The following ADORA1 variants were observed in gnomAD, a reference collection of about 807,000 sequenced individuals.
ADORA1 encodes the protein adenosine receptor A1.
A neutral mutation model predicts 19.9 loss-of-function variants in ADORA1; 6 were observed. The ratio of observed to expected loss-of-function variants is 0.30; its 90% CI spans 0.17 to 0.59. The LOEUF is 0.59. Among genes scored for constraint, ADORA1 ranks in the 20% least tolerant of loss-of-function variants. The pLI, the probability that ADORA1 is intolerant of heterozygous loss-of-function variation, is 0.87. For missense variants in ADORA1, 302 were observed against 439.2 expected, an observed-to-expected ratio of 0.69 and a Z score of 2.79; for synonymous variants, 194 against 188.4, an observed-to-expected ratio of 1.03 and a Z score of -0.24.
At chr1:203,150,875 C>A in intron 3 of ADORA1, 1 of 1,177,628 alleles carries the variant, frequency 8.5e-7, no homozygotes. Context: ...CTTTAGGGGG[C>A]CCTGACAGCC....
chr1:203,128,190 A>C lies in ADORA1; in HGVS notation c.-212-88A>C. 1 of 537,960 alleles carries C rather than the reference A, an allele frequency of 1.9e-6. No homozygotes were observed. Among genetic ancestry groups the C allele is most frequent in the Non-Finnish European group, 2.9e-6 (1 of 347,250 alleles). The allele number at this position is 537,960 out of a possible 1,614,324, so 33.3% of individuals were successfully genotyped here. ...CTCCGTCCCCAGACCCACGTCTGCC[A>C]CCCCAGTCCCAGGTGCGAAACAGGG... On this transcript the variant is annotated intron_variant, in intron 1 of 3. Transcript: ENST00000337894. The surrounding 1 kb of genome is among the most constrained non-coding windows in gnomAD (Gnocchi z 5.9).
At chr1:203,151,224 C>T (rs1490181178) in intron 3 of ADORA1, among the ~76,000 whole-genome samples, 1 of 152,156 alleles carries the variant, frequency 6.6e-6, no homozygotes, top group Non-Finnish European at 1.5e-5. Flanking sequence ...CAGTATCCTC[C>T]CTGGCCACTT....
At position 203,128,320 on chromosome 1, in the gene ADORA1, C is replaced by T; in HGVS notation, c.-170C>T. ...GCGGCGGGAGCCGGAGGACTATGAG[C>T]TGCCGCGCGTTGTCCAGAGCCCAGC... On this transcript the variant is annotated 5_prime_UTR_variant, in exon 2 of 4. Transcript: ENST00000337894. The surrounding 1 kb of genome is among the most constrained non-coding windows in gnomAD (Gnocchi z 5.9). 7.0e-6 allele frequency: 9 copies of T among 1,286,758 alleles called. No individual in the cohort carries two copies. Among genetic ancestry groups the T allele is most frequent in the Non-Finnish European group, 9.1e-6 (9 of 986,924 alleles). The allele number at this position is 1,286,758 out of a possible 1,614,324, so 79.7% of individuals were successfully genotyped here.
chr1:203,159,196 T>G (rs1456732927), intron 3 of ADORA1, among the ~76,000 whole-genome samples: 1 of 152,222 alleles, frequency 6.6e-6, no homozygotes, highest in Non-Finnish European at 1.5e-5. Flanking sequence ...ATGGCTAAAA[T>G]AGCCTCCTGC....
At chr1:203,159,224 A>G (rs1425511903) in intron 3 of ADORA1, among the ~76,000 whole-genome samples, 3 of 152,194 alleles carry the variant, frequency 2.0e-5, no homozygotes, top group South Asian at 4.1e-4. Context: ...CTTGCCTTCC[A>G]TCATTCCCTG....
intron 3 of ADORA1, among the ~76,000 whole-genome samples, chr1:203,163,881 C>T (rs1655449661): frequency 6.6e-6 from 1 of 152,206 alleles, no homozygotes; most frequent in Non-Finnish European, 1.5e-5. Flanking sequence ...CAGTCGGCAG[C>T]CTCTCCCTTC....
Position 203,128,457 on chromosome 1 carries a change from T to A in ADORA1, c.-58+25T>A. ...GGTGAGCTCCCTGCATCCTGTTCTG[T>A]GCACAGGGGTGGGCAGAGCCAGTCA... On this transcript the variant is annotated intron_variant, in intron 2 of 3. Coordinates refer to ENST00000337894, the MANE Select transcript of ADORA1 (RefSeq NM_000674.3). This position sits in a 1 kb window ranked among gnomAD's most constrained non-coding sequence, Gnocchi z 5.9. 7.8e-7 allele frequency: 1 copy of A among 1,279,134 alleles called. No homozygotes were observed. The allele number at this position is 1,279,134 out of a possible 1,614,324, so 79.2% of individuals were successfully genotyped here.
chr1:203,156,919 T>C (rs371958961), intron 3 of ADORA1, among the ~76,000 whole-genome samples: 8 of 152,338 alleles, frequency 5.3e-5, no homozygotes, highest in African/African-American at 1.7e-4. Flanking sequence ...AATCTATTCA[T>C]ATGGGCAGAG....
Position 203,128,740 on chromosome 1 carries a change from C to T in ADORA1, c.-57-45C>T. 2 of 1,505,814 alleles carry T rather than the reference C, an allele frequency of 1.3e-6. No individual in the cohort carries two copies. The highest frequency in any genetic ancestry group is 1.8e-6 in the Non-Finnish European group (2 of 1,135,558). The allele number at this position is 1,505,814 out of a possible 1,614,324, so 93.3% of individuals were successfully genotyped here. ...TCCAGGGCAGCCTGAGCTCCCTGCCCCTCCCAGACGGGTCTCCCCATCCCA... is the reference window on the plus strand; with the variant it reads ...TCCAGGGCAGCCTGAGCTCCCTGCCTCTCCCAGACGGGTCTCCCCATCCCA... On this transcript the variant is annotated intron_variant, in intron 2 of 3. Transcript: ENST00000337894. This position sits in a 1 kb window ranked among gnomAD's most constrained non-coding sequence, Gnocchi z 5.9.
intron 3 of ADORA1, chr1:203,164,927 C>T: frequency 1.0e-6 from 1 of 967,930 alleles, no homozygotes; most frequent in Non-Finnish European, 1.6e-6. Flanking sequence ...GATGAGATAA[C>T]CAGTGGGGGC....
chr1:203,165,151 G>A lies in ADORA1; in HGVS notation c.342-110G>A. ...GCACCTCCCCACTCACCGGGCCCTG[G>A]AAGAGGAGGGTGCTCCTCTTAGAGG... On this transcript the variant is annotated intron_variant, in intron 3 of 3. Transcript: ENST00000337894. This position sits in a 1 kb window ranked among gnomAD's most constrained non-coding sequence, Gnocchi z 5.9. The A allele has an allele frequency of 1.3e-6, 2 of 1,577,954 alleles. No individual in the cohort carries two copies. The highest frequency in any genetic ancestry group is 1.7e-6 in the Non-Finnish European group (2 of 1,162,408).
chr1:203,134,418 G>A (rs1654439314), intron 3 of ADORA1, among the ~76,000 whole-genome samples: 1 of 152,244 alleles, frequency 6.6e-6, no homozygotes, highest in Non-Finnish European at 1.5e-5. Context: ...ATAGCCTTCA[G>A]GTGTGTTAGG....
chr1:203,162,420 T>A (rs939342242), intron 3 of ADORA1, among the ~76,000 whole-genome samples: 45 of 151,794 alleles, frequency 3.0e-4, no homozygotes, highest in African/African-American at 1.0e-3. Context: ...TAGCTAGAAG[T>A]CTCCTCCCTC....
intron 3 of ADORA1, among the ~76,000 whole-genome samples, chr1:203,140,746 G>T (rs1654655868): frequency 6.6e-6 from 1 of 152,188 alleles, no homozygotes; most frequent in South Asian, 2.1e-4. Context: ...AGGAACATGA[G>T]GCTTCAGGCT....
At chr1:203,148,130 A>C (rs942828531) in intron 3 of ADORA1, among the ~76,000 whole-genome samples, 2 of 152,134 alleles carry the variant, frequency 1.3e-5, no homozygotes, top group Non-Finnish European at 2.9e-5. Flanking sequence ...GAGGCAGGAG[A>C]ATCACTTGAA....
intron 3 of ADORA1, among the ~76,000 whole-genome samples, chr1:203,161,124 C>T (rs1266632061): frequency 6.6e-6 from 1 of 152,242 alleles, no homozygotes; most frequent in Non-Finnish European, 1.5e-5. Context: ...GCCACCGGCT[C>T]TTGCCAACAC....
At chr1:203,129,327 T>C (rs10920569) in intron 3 of ADORA1, 145 bp downstream of exon 3, 452,401 of 1,430,822 alleles carry the variant, frequency 0.32, 74,794 homozygotes, top group South Asian at 0.41. Flanking sequence ...ACTCTGCCTT[T>C]CCGTGCTCCG....
At chr1:203,131,862 C>T (rs1654351383) in intron 3 of ADORA1, among the ~76,000 whole-genome samples, 1 of 152,156 alleles carries the variant, frequency 6.6e-6, no homozygotes, top group South Asian at 2.1e-4. Flanking sequence ...GCCAGAGGTC[C>T]CCAGGCACCA....
intron 3 of ADORA1, among the ~76,000 whole-genome samples, chr1:203,136,693 C>T (rs2102739500): frequency 6.6e-6 from 1 of 152,024 alleles, no homozygotes; most frequent in East Asian, 1.9e-4. Context: ...CAGAGCTGGG[C>T]TGGGCAGCTG....
Sources: gnomAD v4.1 joint callset for allele counts (sites outside exome capture counted in the v4.1 genomes callset) on GRCh38, gnomAD v4.1.1 for gene constraint, Gnocchi (gnomAD v3.1) non-coding constraint, MANE v1.5 for transcripts, NCBI Gene and HGNC (gene_info 2026-07-23, HGNC 2026-07-21) for gene names.